Variants in PIK3R1 observed in about 807,000 individuals in gnomAD.
PIK3R1 encodes phosphatidylinositol 3-kinase regulatory subunit alpha.
Under a neutral mutation model 98.0 loss-of-function variants are expected in PIK3R1, and 29 were observed. That is an observed-to-expected ratio of 0.30 (90% CI 0.22 to 0.40). The LOEUF is 0.40. Ranked by LOEUF, PIK3R1 falls within the 10% of genes least tolerant of loss-of-function variation. The probability of loss-of-function intolerance (pLI) is 1.00; values close to 1 mark genes in which losing one functional copy is unlikely to be tolerated. For synonymous variants in PIK3R1, 282 were observed against 311.8 expected (o/e 0.90, Z 1.01); for missense variants, 596 against 872.7 (o/e 0.68, Z 3.99).
At chr5:68,230,999 C>T (rs1356219465) in intron 2 of PIK3R1, among the ~76,000 whole-genome samples, 2 of 152,174 alleles carry the variant, frequency 1.3e-5, no homozygotes, top group Non-Finnish European at 2.9e-5. Flanking sequence ...ATCCTGGCAT[C>T]CCATCCCGCT....
chr5:68,235,805 A>G (rs143164587), intron 2 of PIK3R1, among the ~76,000 whole-genome samples: 2 of 152,304 alleles, frequency 1.3e-5, no homozygotes, highest in African/African-American at 4.8e-5. Context: ...TAACTATTGA[A>G]AATGTCTTCT....
At chr5:68,262,685 G>A (rs1349300172) in intron 2 of PIK3R1, among the ~76,000 whole-genome samples, 14 of 34,058 alleles carry the variant, frequency 4.1e-4, no homozygotes, top group African/African-American at 1.6e-3. Flanking sequence ...ACATGTATCT[G>A]CATGTATACA....
In PIK3R1 at chr5:68,217,197, G is replaced by T. The variant is rs181551272; in HGVS notation, c.-387+1248G>T. Among the ~76,000 whole-genome samples the T allele has an allele frequency of 5.3e-5, 8 of 152,260 alleles. No homozygotes were observed. In the East Asian group the frequency reaches 1.5e-3, roughly 29 times the overall value. ...TAAGATTGTCATTTTGGTGTGATGA[G>T]GCTCAAGTTTTAGTAATCAGGAGGG... On this transcript the variant is annotated intron_variant, in intron 1 of 15. Coordinates refer to ENST00000521381, the MANE Select transcript of PIK3R1 (RefSeq NM_181523.3).
At chr5:68,248,347 A>G (rs1361250260) in intron 2 of PIK3R1, among the ~76,000 whole-genome samples, 2 of 152,190 alleles carry the variant, frequency 1.3e-5, no homozygotes, top group Non-Finnish European at 2.9e-5. Context: ...AGTTACTAAG[A>G]TGACTTAGAT....
chr5:68,272,252 C>CAAAAA (rs36123886), intron 2 of PIK3R1, among the ~76,000 whole-genome samples: 6 of 46,870 alleles, frequency 1.3e-4, no homozygotes, highest in African/African-American at 3.9e-4. Flanking sequence ...GACCCTGTCT[C>CAAAAA]AAAAAAAAAA....
intron 7 of PIK3R1, among the ~76,000 whole-genome samples, chr5:68,290,476 C>T (rs550764058): frequency 5.3e-5 from 8 of 152,256 alleles, no homozygotes; most frequent in Admixed American, 5.2e-4. Flanking sequence ...AAAGGATGAG[C>T]ATGTATATAT....
intron 2 of PIK3R1, among the ~76,000 whole-genome samples, chr5:68,263,618 G>C (rs1746000431): frequency 6.6e-6 from 1 of 152,000 alleles, no homozygotes; most frequent in South Asian, 2.1e-4. Context: ...GTTAAACTCT[G>C]ATTCCTTACA....
chr5:68,297,706 A>G lies in PIK3R1; in HGVS notation c.*105A>G, dbSNP rs905612726. 3.2e-6 allele frequency: 3 copies of G among 928,502 alleles called. No homozygotes were observed. Among genetic ancestry groups the G allele is most frequent in the African/African-American group, 3.3e-5 (2 of 60,244 alleles). 57.5% of individuals were successfully genotyped at this position (928,502 alleles called of 1,614,324 possible). On this transcript the variant is annotated 3_prime_UTR_variant, in exon 16 of 16. Coordinates refer to ENST00000521381, the MANE Select transcript of PIK3R1 (RefSeq NM_181523.3). ...ATCTGTGAATTGAGCTGCAGAAACGAAGCCATCTTTCTTTGGATGGGACTA... is the reference window on the plus strand; with the variant it reads ...ATCTGTGAATTGAGCTGCAGAAACGGAGCCATCTTTCTTTGGATGGGACTA...
chr5:68,221,780 TC>T (rs1420501944), intron 1 of PIK3R1, among the ~76,000 whole-genome samples: 3 of 152,236 alleles, frequency 2.0e-5, no homozygotes, highest in Non-Finnish European at 4.4e-5. Context: ...TTGTCAAACA[TC>T]AGAAACAATT....
At position 68,280,295 on chromosome 5, in the gene PIK3R1, T is replaced by C. The variant is rs143899011; in HGVS notation, c.635-233T>C. Reference sequence around the variant, plus strand: ...TGCTGCCAGCACACCCTGAACAGCTTGTGGTTTCTTTACACACTGAGCTTT... The same window carrying C: ...TGCTGCCAGCACACCCTGAACAGCTCGTGGTTTCTTTACACACTGAGCTTT... On this transcript the variant is annotated intron_variant, in intron 5 of 15. Coordinates refer to ENST00000521381, the MANE Select transcript of PIK3R1 (RefSeq NM_181523.3). 474 of 555,898 alleles carry C rather than the reference T, an allele frequency of 8.5e-4. 1 individual carries two copies. The highest frequency in any genetic ancestry group is 8.2e-3 in the African/African-American group (437 of 53,268). The allele number at this position is 555,898 out of a possible 1,614,324, so 34.4% of individuals were successfully genotyped here. A position where few individuals can be genotyped will look rare whatever the true frequency, so the allele number is the denominator to read the frequency against.
At chr5:68,255,149 A>G (rs550173676) in intron 2 of PIK3R1, among the ~76,000 whole-genome samples, 228 of 152,364 alleles carry the variant, frequency 1.5e-3, no homozygotes, top group Non-Finnish European at 2.8e-3. Context: ...GAAATTTAGC[A>G]GCATCTGATT....
intron 2 of PIK3R1, among the ~76,000 whole-genome samples, chr5:68,262,873 A>AGATACATGTAGATACATG (rs1745900246): frequency 2.8e-5 from 3 of 108,364 alleles, no homozygotes; most frequent in Non-Finnish European, 5.8e-5. Context: ...GTATACATGT[A>AGATACATGTAGATACATG]GATACATGTA....
At chr5:68,235,352 G>A (rs1316211483) in intron 2 of PIK3R1, among the ~76,000 whole-genome samples, 5 of 151,916 alleles carry the variant, frequency 3.3e-5, no homozygotes, top group African/African-American at 7.3e-5. Context: ...GCAGTGAGCC[G>A]AGATTGTGCC....
In PIK3R1 at chr5:68,280,675, C is replaced by T; in HGVS notation, c.782C>T (p.Ala261Val). 1 of 1,614,080 alleles carries T rather than the reference C, an allele frequency of 6.2e-7. No homozygotes were observed. Among genetic ancestry groups the T allele is most frequent in the South Asian group, 1.1e-5 (1 of 91,070 alleles). The change falls in exon 6 of 16, where the codon GCA becomes GTA. Residue 261 changes from alanine (A) to valine (V), a missense_variant. By Grantham distance (64) the Ala-to-Val change is moderately conservative. Transcript: ENST00000521381. Reference sequence around the variant, plus strand: ...ACCTCCAGCAAAAATCTGTTGAATGCAAGAGTACTCTCTGAAATTTTCAGC... The same window carrying T: ...ACCTCCAGCAAAAATCTGTTGAATGTAAGAGTACTCTCTGAAATTTTCAGC... ...SQTSSKNLLN[A>V]RVLSEIFSPM...
At chr5:68,258,820 A>C (rs1376263110) in intron 2 of PIK3R1, among the ~76,000 whole-genome samples, 1 of 152,206 alleles carries the variant, frequency 6.6e-6, no homozygotes, top group Non-Finnish European at 1.5e-5. Context: ...CCAAGTTCCT[A>C]GTATTGCAGC....
Position 68,300,682 on chromosome 5 carries a change from C to T in PIK3R1, c.*3081C>T. The T allele has an allele frequency of 4.3e-6, 1 of 233,252 alleles. No individual in the cohort carries two copies. Among genetic ancestry groups the T allele is most frequent in the East Asian group, 6.0e-5 (1 of 16,578 alleles). 14.4% of individuals were successfully genotyped at this position (233,252 alleles called of 1,614,324 possible). A position where few individuals can be genotyped will look rare whatever the true frequency, so the allele number is the denominator to read the frequency against. ...AGTACACCTTTCAGCCAAAACAGAT[C>T]CACAGTAGTTGTTGAGTTCAAGTAC... On this transcript the variant is annotated 3_prime_UTR_variant, in exon 16 of 16. Coordinates refer to ENST00000521381, the MANE Select transcript of PIK3R1 (RefSeq NM_181523.3).
In PIK3R1 at chr5:68,301,105, C is replaced by T. The variant is rs66666989; in HGVS notation, c.*3504C>T. The T allele has an allele frequency of 0.23, 53,422 of 229,074 alleles. 7,363 individuals are homozygous for T. Among genetic ancestry groups the T allele is most frequent in the African/African-American group, 0.4 (17,992 of 44,958 alleles). The allele number at this position is 229,074 out of a possible 1,614,324, so 14.2% of individuals were successfully genotyped here. A position where few individuals can be genotyped will look rare whatever the true frequency, so the allele number is the denominator to read the frequency against. On this transcript the variant is annotated 3_prime_UTR_variant, in exon 16 of 16. Transcript: ENST00000521381. ...TGTATGGTATCCAAGTTAGTTGAAA[C>T]GCAGACACTGAGATCTGTTTGAGTT...
chr5:68,224,212 CAGA>C (rs1325094509), intron 1 of PIK3R1, among the ~76,000 whole-genome samples: 1 of 152,190 alleles, frequency 6.6e-6, no homozygotes, highest in African/African-American at 2.4e-5. Context: ...CTCTTTTGTA[CAGA>C]GTACATTAGT....
rs1476484811 is a variant in PIK3R1 at position 68,299,701 on chromosome 5, CTTTG to C, written c.*2104_*2107del. On this transcript the variant is annotated 3_prime_UTR_variant, in exon 16 of 16. Transcript: ENST00000521381. ...GTACTAGGGTGAGGGTTTTCTGTTACTTTGTTTTTTAATGTTGTTCCTTTTGAAA... is the reference window on the plus strand; with the variant it reads ...GTACTAGGGTGAGGGTTTTCTGTTACTTTTTTAATGTTGTTCCTTTTGAAA... 4.3e-6 allele frequency: 1 copy of C among 232,990 alleles called. No homozygotes were observed. The highest frequency in any genetic ancestry group is 2.2e-5 in the African/African-American group (1 of 45,314). The allele number at this position is 232,990 out of a possible 1,614,324, so 14.4% of individuals were successfully genotyped here. A position where few individuals can be genotyped will look rare whatever the true frequency, so the allele number is the denominator to read the frequency against.
Sources: allele counts gnomAD v4.1 joint callset (sites outside exome capture counted in the v4.1 genomes callset), GRCh38; gene constraint gnomAD v4.1.1; transcripts MANE v1.5; gene names NCBI Gene and HGNC (gene_info 2026-07-23, HGNC 2026-07-21).